HOXB3: variants seen among roughly 807,000 people sequenced by gnomAD.
HOXB3 encodes homeobox protein Hox-B3.
Under a neutral mutation model 29.2 loss-of-function variants are expected in HOXB3, and 17 were observed. The ratio of observed to expected loss-of-function variants is 0.58; its 90% confidence interval spans 0.40 to 0.87. The LOEUF is 0.87. Among genes scored for constraint, HOXB3 ranks in the 40% least tolerant of loss-of-function variants. The pLI, the probability that HOXB3 is intolerant of heterozygous loss-of-function variation, is 0.00. For missense variants in HOXB3, 637 were observed against 616.3 expected (o/e 1.03, Z -0.35); for synonymous variants, 317 against 285.9 (o/e 1.11, Z -1.10).
At chr17:48,576,641 C>T in intron 1 of HOXB3, 1 of 1,131,710 alleles carries the variant, frequency 8.8e-7, no homozygotes. Context: ...GCCCCAGGGC[C>T]CCCTCCTGTC....
At chr17:48,561,183 A>AACACACACACACACACACAC (rs530713063) in intron 2 of HOXB3, among the ~76,000 whole-genome samples, 1,279 of 125,426 alleles carry the variant, frequency 0.01, 36 homozygotes, top group East Asian at 0.026. Flanking sequence ...TCCGTCTCAA[A>AACACACACACACACACACAC]ACACACACAC....
At chr17:48,567,484 A>C (rs1050315066) in intron 2 of HOXB3, among the ~76,000 whole-genome samples, 33 of 152,136 alleles carry the variant, frequency 2.2e-4, no homozygotes, top group African/African-American at 8.0e-4. Flanking sequence ...CTCATCCATC[A>C]CAACTTTGGG....
chr17:48,555,962 A>C (rs948024658), intron 2 of HOXB3, among the ~76,000 whole-genome samples: 5 of 151,970 alleles, frequency 3.3e-5, no homozygotes, highest in African/African-American at 1.2e-4. Flanking sequence ...TGCACAGGGA[A>C]AAAAAACCAC....
At chr17:48,551,340 C>A (rs1469497583) in intron 4 of HOXB3, 159 bp from the exon 5 acceptor site, 14 of 834,888 alleles carry the variant, frequency 1.7e-5, no homozygotes, top group Admixed American at 1.2e-4. Context: ...CTCACTCCCC[C>A]ACCCCACCGC....
At chr17:48,570,144 CG>C (rs1013384384) in intron 2 of HOXB3, among the ~76,000 whole-genome samples, 1 of 152,032 alleles carries the variant, frequency 6.6e-6, no homozygotes, top group Non-Finnish European at 1.5e-5. Flanking sequence ...GTTAGCACCC[CG>C]AGCTTCCAAT....
intron 2 of HOXB3, among the ~76,000 whole-genome samples, chr17:48,561,361 C>G (rs561625663): frequency 6.6e-6 from 1 of 152,336 alleles, no homozygotes; most frequent in East Asian, 1.9e-4. Flanking sequence ...TCACCACTTC[C>G]TTCTAGTTCC....
intron 1 of HOXB3, chr17:48,579,951 T>G (rs2069891568): frequency 1.9e-6 from 1 of 513,510 alleles, no homozygotes; most frequent in African/African-American, 2.0e-5. Flanking sequence ...ACAGATCTTC[T>G]TGGCCCAGAA....
At chr17:48,586,262 G>A (rs967410451) in intron 1 of HOXB3, among the ~76,000 whole-genome samples, 1 of 152,216 alleles carries the variant, frequency 6.6e-6, no homozygotes, top group Non-Finnish European at 1.5e-5. Context: ...GTTAAAACTT[G>A]GGGACAAGGT....
chr17:48,552,575 C>CG lies in HOXB3; in HGVS notation c.-102_-101insC. 1 of 793,966 alleles carries CG rather than the reference C, an allele frequency of 1.3e-6. No homozygotes were observed. Among genetic ancestry groups the CG allele is most frequent in the South Asian group, 1.9e-5 (1 of 51,602 alleles). 49.2% of individuals were successfully genotyped at this position (793,966 alleles called of 1,614,324 possible). ...GGGGGTCACGTGACACGCCGGACCC[C>CG]CCCCCCCCACCTCCCCTCTCTGCCC... On this transcript the variant is annotated 5_prime_UTR_variant, in exon 4 of 5. It introduces an in-frame stop codon into an upstream open reading frame of the 5' UTR. Transcript: ENST00000498678.
At position 48,550,809 on chromosome 17, in the gene HOXB3, C is replaced by G. The variant is rs758859201; in HGVS notation, c.821G>C (p.Gly274Ala). ...SPPQPMQSTAGFMNALHSMTP... is the reference protein window; with the variant it reads ...SPPQPMQSTAAFMNALHSMTP... Reference sequence around the variant, plus strand: ...CATGGAGTGTAAGGCGTTCATGAAGCCGGCCGTGGACTGCATGGGCTGCGG... The same window carrying G: ...CATGGAGTGTAAGGCGTTCATGAAGGCGGCCGTGGACTGCATGGGCTGCGG... The change falls in exon 5 of 5, where the codon GGC becomes GCC. Residue 274 changes from glycine (G) to alanine (A), a missense_variant. Coordinates refer to ENST00000498678, the MANE Select transcript of HOXB3 (RefSeq NM_001384749.1). 1.9e-6 allele frequency: 3 copies of G among 1,613,456 alleles called. No individual in the cohort carries two copies. The highest frequency in any genetic ancestry group is 2.5e-6 in the Non-Finnish European group (3 of 1,179,702).
In HOXB3 at chr17:48,549,899, GA is replaced by G. The variant is rs60329254; in HGVS notation, c.*434del. On this transcript the variant is annotated 3_prime_UTR_variant, in exon 5 of 5. Transcript: ENST00000498678. ...TCTTATTTTTTAAAGGATAATTGAGGAAAAAAAAAAATCAAGATTTGGGGGG... is the reference window on the plus strand; with the variant it reads ...TCTTATTTTTTAAAGGATAATTGAGGAAAAAAAAAATCAAGATTTGGGGGG... The G allele has an allele frequency of 0.73, 113,450 of 155,378 alleles. 42,781 individuals carry two copies. Among genetic ancestry groups the G allele is most frequent in the Non-Finnish European group, 0.84 (58,686 of 69,934 alleles). 9.6% of individuals were successfully genotyped at this position (155,378 alleles called of 1,614,324 possible). A position where few individuals can be genotyped will look rare whatever the true frequency, so the allele number is the denominator to read the frequency against.
At chr17:48,579,032 G>A (rs749768961) in intron 1 of HOXB3, 7 of 152,240 alleles carry the variant, frequency 4.6e-5, no homozygotes, top group Non-Finnish European at 1.0e-4. Context: ...CGGGCGGATC[G>A]ATAGGAAATT....
At chr17:48,577,840 G>T in intron 1 of HOXB3, 3 of 1,395,128 alleles carry the variant, frequency 2.2e-6, no homozygotes, top group Non-Finnish European at 1.9e-6. Flanking sequence ...GGTGGGAGGG[G>T]GAAGGGGTGC....
rs867448391 is a variant in HOXB3 at position 48,550,915 on chromosome 17, G to A, written c.715C>T (p.Arg239Trp). ...ERQIKIWFQN[R>W]RMKYKKDQKA... The stretch of plus-strand genomic sequence containing the variant: ...TGGTCCTTCTTGTACTTCATGCGCC[G>A]GTTCTGGAACCAGATCTTGATCTGC... The change falls in exon 5 of 5, where the codon CGG becomes TGG. Residue 239 changes from arginine to tryptophan, a missense_variant. Arg to Trp is a moderately radical substitution (Grantham distance 101, BLOSUM62 -3). Transcript: ENST00000498678. The A allele has an allele frequency of 1.9e-6, 3 of 1,614,004 alleles. No individual in the cohort carries two copies. The highest frequency in any genetic ancestry group is 1.1e-5 in the South Asian group (1 of 91,080).
Position 48,548,911 on chromosome 17 carries a change from G to T in HOXB3, c.*1423C>A, listed in dbSNP as rs954026775. The stretch of plus-strand genomic sequence containing the variant: ...AAGTTTATTCAAGAATTGTTTGACA[G>T]ACAACCCTTTTAGGTAAGGAAAAAA... On this transcript the variant is annotated 3_prime_UTR_variant, in exon 5 of 5. Transcript: ENST00000498678. 2.6e-5 allele frequency: 4 copies of T among 152,512 alleles called. No homozygotes were observed. The highest frequency in any genetic ancestry group is 4.8e-5 in the African/African-American group (2 of 41,454). The allele number at this position is 152,512 out of a possible 1,614,324, so 9.4% of individuals were successfully genotyped here. A position where few individuals can be genotyped will look rare whatever the true frequency, so the allele number is the denominator to read the frequency against.
chr17:48,577,148 G>A (rs2069791836), intron 1 of HOXB3: 2 of 921,902 alleles, frequency 2.2e-6, no homozygotes, highest in Non-Finnish European at 3.0e-6. Flanking sequence ...TTCTGAGGGA[G>A]AGCGGGGAAA....
Position 48,552,635 on chromosome 17 carries a change from G to T in HOXB3, c.-158-3C>A. 1.8e-6 allele frequency: 1 copy of T among 567,836 alleles called. No individual in the cohort carries two copies. The highest frequency in any genetic ancestry group is 3.0e-6 in the Non-Finnish European group (1 of 332,164). 35.2% of individuals were successfully genotyped at this position (567,836 alleles called of 1,614,324 possible). A position where few individuals can be genotyped will look rare whatever the true frequency, so the allele number is the denominator to read the frequency against. ...GGGGTCTGTTCCAAGCGGCTGACCT[G>T]CGAGGCGAGAGAAGAGACACAAGGG... On this transcript the variant is annotated splice_region_variant and splice_polypyrimidine_tract_variant and intron_variant, in intron 3 of 4. Transcript: ENST00000498678.
intron 1 of HOXB3, among the ~76,000 whole-genome samples, chr17:48,585,569 C>T (rs1006879484): frequency 2.0e-5 from 3 of 152,228 alleles, no homozygotes; most frequent in East Asian, 3.8e-4. Context: ...ATGTTACAGC[C>T]TCTGCCTCTG....
intron 1 of HOXB3, chr17:48,581,927 G>C (rs561015272): frequency 1.3e-5 from 2 of 152,408 alleles, no homozygotes; most frequent in South Asian, 4.1e-4. Context: ...GCGGGAGGCT[G>C]CCTCTCCCCT....
Sources: gnomAD v4.1 joint callset for allele counts (sites outside exome capture counted in the v4.1 genomes callset) on GRCh38, gnomAD v4.1.1 for gene constraint, MANE v1.5 for transcripts, NCBI Gene and HGNC (gene_info 2026-07-23, HGNC 2026-07-21) for gene names.